Variants in PGM5 observed in about 807,000 individuals in gnomAD.
PGM5 encodes phosphoglucomutase-like protein 5.
A neutral mutation model predicts 59.2 loss-of-function variants in PGM5; 23 were observed. The observed-to-expected ratio is 0.39, with a 90% confidence interval of 0.28 to 0.55. PGM5 has a LOEUF of 0.55. Among genes scored for constraint, PGM5 ranks in the 20% least tolerant of loss-of-function variants. The pLI is 0.66. For missense variants in PGM5, 574 were observed against 748.3 expected, an observed-to-expected ratio of 0.77 and a Z score of 2.72; for synonymous variants, 214 against 286.0, an observed-to-expected ratio of 0.75 and a Z score of 2.54.
chr9:68,474,428 A>G (rs1657992124), intron 7 of PGM5, among the ~76,000 whole-genome samples: 1 of 152,126 alleles, frequency 6.6e-6, no homozygotes, highest in Admixed American at 6.6e-5. Flanking sequence ...ATGATTGAGC[A>G]TTCTCTTTAT....
In PGM5 at chr9:68,455,689, T is replaced by C. The variant is rs144757811; in HGVS notation, c.1044-9404T>C. Among the ~76,000 whole-genome samples, 315 of 152,056 alleles carry C rather than the reference T, an allele frequency of 2.1e-3. 3 individuals are homozygous for C. The highest frequency in any genetic ancestry group is 7.2e-3 in the African/African-American group (300 of 41,464). On this transcript the variant is annotated intron_variant, in intron 6 of 10. Transcript: ENST00000396396. ...GATCTTCCAAGTTCCTCCACAGCCC[T>C]GGTGGCATTGGTGGGTTCTGGCTGC...
chr9:68,496,446 C>G (rs1315514311), intron 9 of PGM5, among the ~76,000 whole-genome samples: 2 of 152,176 alleles, frequency 1.3e-5, no homozygotes, highest in Non-Finnish European at 2.9e-5. Context: ...TAATGATGTT[C>G]CTCACCTGGA....
chr9:68,472,212 G>A (rs1824030836), intron 7 of PGM5, among the ~76,000 whole-genome samples: 1 of 152,150 alleles, frequency 6.6e-6, no homozygotes, highest in South Asian at 2.1e-4. Flanking sequence ...TGAAGTCGTT[G>A]AGGTTTAGGG....
rs17081271 is a variant in PGM5 at position 68,384,399 on chromosome 9, T to C, written c.426T>C (p.Gly142=). The change falls in exon 3 of 11, where the codon GGT becomes GGC. Residue 142 remains glycine (G), a splice_region_variant and synonymous_variant. Coordinates refer to ENST00000396396, the MANE Select transcript of PGM5 (RefSeq NM_021965.4). ...GTATTTTTGGTGTTCACATTTTAGG[T>C]CCTGCACCCGATGTTGTCTCAGACA... ...FGVKFNVANG[G]PAPDVVSDKI... is the part of the protein sequence containing the mutation. 499,034 of 1,597,376 alleles carry C rather than the reference T, an allele frequency of 0.31. 80,508 individuals carry two copies. The highest frequency in any genetic ancestry group is 0.42 in the Admixed American group (25,054 of 59,050).
chr9:68,376,832 TCTCTTTCTTTCTTTCTTTC>T (rs1821918314), intron 1 of PGM5, among the ~76,000 whole-genome samples: 1 of 96,698 alleles, frequency 1.0e-5, no homozygotes, highest in Non-Finnish European at 2.1e-5. Flanking sequence ...TTTCTTTCTT[TCTCTTTCTTTCTTTCTTTC>T]TCTTTCTTTC....
At chr9:68,487,463 TACACACACACACAC>T (rs67566624) in intron 9 of PGM5, among the ~76,000 whole-genome samples, 3 of 141,874 alleles carry the variant, frequency 2.1e-5, no homozygotes, top group South Asian at 2.3e-4. Flanking sequence ...CACACGCACA[TACACACACACACAC>T]ACACACACAC....
intron 8 of PGM5, among the ~76,000 whole-genome samples, chr9:68,482,632 C>T (rs551423703): frequency 1.3e-5 from 2 of 152,326 alleles, no homozygotes; most frequent in Middle Eastern, 3.4e-3. Flanking sequence ...TTTCTCTATG[C>T]TACAGGAAGC....
At chr9:68,517,762 T>C (rs192779650) in intron 10 of PGM5, among the ~76,000 whole-genome samples, 32 of 152,358 alleles carry the variant, frequency 2.1e-4, no homozygotes, top group Admixed American at 1.9e-3. Flanking sequence ...TAACTTTTAG[T>C]AGTGGTGGAC....
At chr9:68,460,873 T>C (rs1366588251) in intron 6 of PGM5, among the ~76,000 whole-genome samples, 2 of 152,064 alleles carry the variant, frequency 1.3e-5, no homozygotes, top group Admixed American at 6.6e-5. Flanking sequence ...GTGGTGATAG[T>C]GTTTGTGTGT....
intron 6 of PGM5, among the ~76,000 whole-genome samples, chr9:68,459,491 T>A (rs1384539073): frequency 6.6e-6 from 1 of 152,236 alleles, no homozygotes; most frequent in African/African-American, 2.4e-5. Context: ...TTTTACTCAA[T>A]GTTATGAGTA....
At chr9:68,483,275 A>G (rs1406424815) in intron 8 of PGM5, among the ~76,000 whole-genome samples, 1 of 152,246 alleles carries the variant, frequency 6.6e-6, no homozygotes, top group Non-Finnish European at 1.5e-5. Context: ...GAAAATATGA[A>G]GGGTGATGAG....
intron 10 of PGM5, among the ~76,000 whole-genome samples, chr9:68,522,832 C>T (rs1824919403): frequency 6.6e-6 from 1 of 152,078 alleles, no homozygotes; most frequent in Non-Finnish European, 1.5e-5. Context: ...GGGAGTCATG[C>T]CATTGTTTTC....
chr9:68,433,960 A>G (rs1248557490), intron 6 of PGM5, among the ~76,000 whole-genome samples: 1 of 152,224 alleles, frequency 6.6e-6, no homozygotes, highest in Non-Finnish European at 1.5e-5. Context: ...TATCCTGTAT[A>G]AAACATCCTA....
At chr9:68,459,327 T>C (rs1823824116) in intron 6 of PGM5, among the ~76,000 whole-genome samples, 1 of 152,222 alleles carries the variant, frequency 6.6e-6, no homozygotes, top group Non-Finnish European at 1.5e-5. Context: ...GAATAGCACC[T>C]GAAGCTTCCT....
intron 6 of PGM5, among the ~76,000 whole-genome samples, chr9:68,455,072 A>G (rs1823752316): frequency 6.6e-6 from 1 of 152,194 alleles, no homozygotes; most frequent in African/African-American, 2.4e-5. Context: ...ATCCCTTGAT[A>G]TATGCTCGTC....
intron 7 of PGM5, 132 bp from the exon 8 acceptor site, chr9:68,479,286 A>G (rs959662011): frequency 6.7e-6 from 5 of 747,456 alleles, no homozygotes; most frequent in African/African-American, 1.7e-5. Flanking sequence ...GGAGACATAT[A>G]TTTAATATAA....
intron 6 of PGM5, among the ~76,000 whole-genome samples, chr9:68,441,462 A>C (rs1386152501): frequency 6.6e-6 from 1 of 152,184 alleles, no homozygotes; most frequent in African/African-American, 2.4e-5. Flanking sequence ...AGGCTGTTTT[A>C]ATATTTAAAA....
At chr9:68,443,413 A>G (rs1021959621) in intron 6 of PGM5, among the ~76,000 whole-genome samples, 2 of 151,858 alleles carry the variant, frequency 1.3e-5, no homozygotes, top group South Asian at 2.1e-4. Context: ...TGGAAATGTT[A>G]TGTTTCCTGA....
In PGM5 at chr9:68,487,593, T is replaced by C. The variant is rs148482874; in HGVS notation, c.1479+3545T>C. ...CTATTTATTCTATTTTAAAAGTACT[T>C]TGCAGTAAAATTTGAGGCTCAGATT... On this transcript the variant is annotated intron_variant, in intron 9 of 10. Transcript: ENST00000396396. Among the ~76,000 whole-genome samples the C allele has an allele frequency of 9.9e-5, 15 of 152,128 alleles. No homozygotes were observed. The East Asian group carries it at 2.7e-3, about 27-fold the overall frequency.
Sources: gnomAD v4.1 joint callset for allele counts (sites outside exome capture counted in the v4.1 genomes callset) on GRCh38, gnomAD v4.1.1 for gene constraint, MANE v1.5 for transcripts, NCBI Gene and HGNC (gene_info 2026-07-23, HGNC 2026-07-21) for gene names.